KCNIP1: variants seen among roughly 807,000 people sequenced by gnomAD.
KCNIP1 encodes the protein potassium voltage-gated channel interacting protein 1.
Under a neutral mutation model 33.0 loss-of-function variants are expected in KCNIP1, and 18 were observed. The observed-to-expected ratio is 0.55, with a 90% confidence interval of 0.38 to 0.81. The LOEUF (loss-of-function observed/expected upper bound fraction) is 0.81, where lower values mean the gene tolerates loss of function less well. KCNIP1 is among the 30% of genes least tolerant of loss of function. The pLI, the probability that KCNIP1 is intolerant of heterozygous loss-of-function variation, is 0.00. For synonymous variants in KCNIP1, 93 were observed against 98.3 expected, an observed-to-expected ratio of 0.95 and a Z score of 0.32; for missense variants, 238 against 271.6, an observed-to-expected ratio of 0.88 and a Z score of 0.87.
chr5:170,632,630 C>T (rs1760097798), intron 1 of KCNIP1, among the ~76,000 whole-genome samples: 1 of 152,242 alleles, frequency 6.6e-6, no homozygotes, highest in Non-Finnish European at 1.5e-5. Context: ...CCAGCACAAA[C>T]CAGTGTCAGC....
chr5:170,353,968 T>C (rs752082152), intron 1 of KCNIP1: 11 of 1,613,506 alleles, frequency 6.8e-6, no homozygotes, highest in Admixed American at 6.7e-5. Context: ...AGCAAAGGTA[T>C]GGAAACTGGC....
rs537348227 is a variant in KCNIP1, at chr5:170,474,230, C to T, written c.88+120266C>T. On this transcript the variant is annotated intron_variant, in intron 1 of 7. Transcript: ENST00000377360. Reference sequence around the variant, plus strand: ...CTTTTTATCTTTATAACGAGACAACCTTTACTTATCATACATTTCCTCCCC... The same window carrying T: ...CTTTTTATCTTTATAACGAGACAACTTTTACTTATCATACATTTCCTCCCC... 3.3e-5 allele frequency among the ~76,000 whole-genome samples: 5 copies of T among 152,216 alleles called. No individual in the cohort carries two copies. The East Asian group carries it at 9.7e-4, about 29-fold the overall frequency.
At chr5:170,617,702 C>T (rs1450741406) in intron 1 of KCNIP1, among the ~76,000 whole-genome samples, 1 of 152,156 alleles carries the variant, frequency 6.6e-6, no homozygotes, top group Non-Finnish European at 1.5e-5. Flanking sequence ...AAATGTCCTG[C>T]AGGAAAAAAC....
intron 1 of KCNIP1, among the ~76,000 whole-genome samples, chr5:170,358,587 G>T (rs772981712): frequency 2.0e-5 from 3 of 152,302 alleles, no homozygotes; most frequent in East Asian, 1.9e-4. Flanking sequence ...TTTAATTGGA[G>T]ATAATAATAA....
intron 1 of KCNIP1, among the ~76,000 whole-genome samples, chr5:170,667,549 G>A (rs1581472100): frequency 6.6e-6 from 1 of 152,224 alleles, no homozygotes; most frequent in Non-Finnish European, 1.5e-5. Flanking sequence ...GCAAATGGAA[G>A]AGAAGTTTCC....
chr5:170,477,907 A>G (rs1420839458), intron 1 of KCNIP1, among the ~76,000 whole-genome samples: 1 of 152,242 alleles, frequency 6.6e-6, no homozygotes. Context: ...TCATAGATCT[A>G]TAAATTAATA....
At chr5:170,525,984 C>A (rs879453410) in intron 1 of KCNIP1, among the ~76,000 whole-genome samples, 1 of 152,194 alleles carries the variant, frequency 6.6e-6, no homozygotes, top group Non-Finnish European at 1.5e-5. Context: ...TGTCCTGGGG[C>A]GACATGTCTG....
At chr5:170,415,969 G>T (rs1270079971) in intron 1 of KCNIP1, among the ~76,000 whole-genome samples, 4 of 152,146 alleles carry the variant, frequency 2.6e-5, no homozygotes, top group Admixed American at 2.6e-4. Flanking sequence ...CTTGTGGAAG[G>T]CTGCTGGGGA....
At chr5:170,509,608 AAATGAATT>A (rs1282149999) in intron 1 of KCNIP1, among the ~76,000 whole-genome samples, 2 of 152,260 alleles carry the variant, frequency 1.3e-5, no homozygotes, top group Non-Finnish European at 2.9e-5. Context: ...ATGAAGCAAC[AAATGAATT>A]ATCAACTGAA....
chr5:170,623,610 C>T (rs973171273), intron 1 of KCNIP1, among the ~76,000 whole-genome samples: 1 of 152,068 alleles, frequency 6.6e-6, no homozygotes, highest in Non-Finnish European at 1.5e-5. Flanking sequence ...TCCCCTCAGA[C>T]GAAACCGATG....
chr5:170,474,794 C>A (rs1431097625), intron 1 of KCNIP1, among the ~76,000 whole-genome samples: 1 of 152,198 alleles, frequency 6.6e-6, no homozygotes, highest in African/African-American at 2.4e-5. Flanking sequence ...GCCACCAGAC[C>A]TTCACGGGGA....
intron 1 of KCNIP1, among the ~76,000 whole-genome samples, chr5:170,608,044 T>C (rs531135197): frequency 1.3e-5 from 2 of 152,246 alleles, no homozygotes; most frequent in African/African-American, 4.8e-5. Context: ...GGCTAGAAGG[T>C]CCAGATCAAG....
chr5:170,542,992 G>A (rs946109600), intron 1 of KCNIP1, among the ~76,000 whole-genome samples: 4 of 152,166 alleles, frequency 2.6e-5, no homozygotes, highest in Non-Finnish European at 5.9e-5. Flanking sequence ...TGTCTGGTGA[G>A]GGCCAGTTCT....
chr5:170,395,128 T>C (rs1426917911), intron 1 of KCNIP1, among the ~76,000 whole-genome samples: 2 of 152,266 alleles, frequency 1.3e-5, no homozygotes, highest in Non-Finnish European at 1.5e-5. Flanking sequence ...GTGGGATTGC[T>C]GGGTCAAATG....
chr5:170,442,049 A>C (rs905453700), intron 1 of KCNIP1, among the ~76,000 whole-genome samples: 2 of 151,494 alleles, frequency 1.3e-5, no homozygotes, highest in African/African-American at 4.9e-5. Flanking sequence ...GGAAGCCACC[A>C]CTCAGTGCCC....
At chr5:170,681,750 T>A (rs890910975) in intron 1 of KCNIP1, among the ~76,000 whole-genome samples, 2 of 152,218 alleles carry the variant, frequency 1.3e-5, no homozygotes, top group African/African-American at 4.8e-5. Context: ...TTAGTGAGAA[T>A]GGGGTTATAA....
intron 1 of KCNIP1, among the ~76,000 whole-genome samples, chr5:170,465,236 C>T (rs1410033479): frequency 6.6e-6 from 1 of 152,134 alleles, no homozygotes; most frequent in African/African-American, 2.4e-5. Flanking sequence ...TGCTATAGAT[C>T]CTACAATATA....
At chr5:170,572,350 A>T (rs1757443576) in intron 1 of KCNIP1, among the ~76,000 whole-genome samples, 1 of 152,188 alleles carries the variant, frequency 6.6e-6, no homozygotes, top group Non-Finnish European at 1.5e-5. Flanking sequence ...TAAATAAAGA[A>T]AAGCTCCTTG....
rs1030247256 is a variant in KCNIP1 at position 170,544,655 on chromosome 5, A to G, written c.61+40022A>G. Among the ~76,000 whole-genome samples the G allele has an allele frequency of 3.3e-5, 5 of 151,848 alleles. No homozygotes were observed. In the South Asian group the frequency reaches 6.2e-4, roughly 19 times the overall value. ...TCCTGTCTTTTCAAAAATTAAGTAA[A>G]TAGTTTTATTATTGTATTTTTTTCC... On this transcript the variant is annotated intron_variant, in intron 1 of 7. Coordinates refer to ENST00000328939, the MANE Select transcript of KCNIP1 (RefSeq NM_014592.4).
Sources: gnomAD v4.1 joint callset for allele counts (sites outside exome capture counted in the v4.1 genomes callset) on GRCh38, gnomAD v4.1.1 for gene constraint, MANE v1.5 for transcripts, NCBI Gene and HGNC (gene_info 2026-07-23, HGNC 2026-07-21) for gene names.